The following ITSN1 variants were observed in gnomAD, a reference collection of about 807,000 sequenced individuals.
ITSN1 encodes intersectin 1.
In ITSN1, 58 loss-of-function variants were observed where a neutral mutation model predicts 239.8. That is an observed-to-expected ratio of 0.24 (90% CI 0.20 to 0.30). The LOEUF (loss-of-function observed/expected upper bound fraction) is 0.30. Ranked by LOEUF, ITSN1 falls within the 10% of genes least tolerant of loss-of-function variation. The probability of loss-of-function intolerance (pLI) is 1.00; values close to 1 mark genes in which losing one functional copy is unlikely to be tolerated. For missense variants in ITSN1, 1,558 were observed against 2,103.3 expected (o/e 0.74, Z 5.07); for synonymous variants, 780 against 770.8 (o/e 1.01, Z -0.20).
At chr21:33,758,863 C>T (rs2068094975) in intron 8 of ITSN1, among the ~76,000 whole-genome samples, 1 of 152,130 alleles carries the variant, frequency 6.6e-6, no homozygotes, top group Non-Finnish European at 1.5e-5. Context: ...GCCAGTACTC[C>T]AAAACCGATA....
intron 33 of ITSN1, among the ~76,000 whole-genome samples, chr21:33,868,036 G>T (rs931720419): frequency 2.0e-5 from 3 of 152,226 alleles, no homozygotes; most frequent in Admixed American, 6.5e-5. Context: ...AAGAGTGAAA[G>T]AACAAAGCTT....
rs1986456115 is a variant in ITSN1, at chr21:33,892,896, G to A, written c.*4596G>A. On this transcript the variant is annotated 3_prime_UTR_variant, in exon 40 of 40. Transcript: ENST00000381318. ...GTAAAGCAGCAGAAAGACTGAGGGT[G>A]CAAAGAAACCACAGCTGCCATTCAC... 1.3e-5 allele frequency: 2 copies of A among 152,220 alleles called. No individual in the cohort carries two copies. The highest frequency in any genetic ancestry group is 4.1e-4 in the South Asian group (2 of 4,830). 9.4% of individuals were successfully genotyped at this position (152,220 alleles called of 1,614,324 possible). A position where few individuals can be genotyped will look rare whatever the true frequency, so the allele number is the denominator to read the frequency against.
At position 33,763,257 on chromosome 21, in the gene ITSN1, C is replaced by T. The variant is rs906773599; in HGVS notation, c.788+1271C>T. 4.1e-5 allele frequency among the ~76,000 whole-genome samples: 6 copies of T among 145,242 alleles called. No homozygotes were observed. In the East Asian group the frequency reaches 6.4e-4, roughly 15 times the overall value. On this transcript the variant is annotated intron_variant, in intron 9 of 39. Transcript: ENST00000381318. ...AAAAAAAAAAAAAAAAAAAAAACTC[C>T]GTTAAAAACAAACCAGATCATTTGT...
At chr21:33,652,368 T>G (rs572831909) in intron 1 of ITSN1, among the ~76,000 whole-genome samples, 1 of 152,306 alleles carries the variant, frequency 6.6e-6, no homozygotes, top group Non-Finnish European at 1.5e-5. Flanking sequence ...AAAGCATACC[T>G]GAGGGCTGGA....
At chr21:33,817,126 A>G (rs1179951920) in intron 22 of ITSN1, 5 of 1,184,236 alleles carry the variant, frequency 4.2e-6, no homozygotes, top group African/African-American at 1.6e-5. Context: ...ATTCATATAT[A>G]TGATTGAAAG....
chr21:33,874,545 C>G (rs1165207092), intron 33 of ITSN1, among the ~76,000 whole-genome samples: 1 of 152,162 alleles, frequency 6.6e-6, no homozygotes, highest in Non-Finnish European at 1.5e-5. Context: ...AGTGAGTGAA[C>G]AGGTGGGAAA....
intron 1 of ITSN1, among the ~76,000 whole-genome samples, chr21:33,658,649 G>A (rs1427370910): frequency 1.3e-5 from 2 of 152,212 alleles, no homozygotes; most frequent in African/African-American, 4.8e-5. Flanking sequence ...GATCCATTGG[G>A]CGCTTAAAAC....
chr21:33,782,588 G>A (rs778428647), intron 16 of ITSN1, among the ~76,000 whole-genome samples: 6 of 152,024 alleles, frequency 3.9e-5, no homozygotes, highest in Non-Finnish European at 8.8e-5. Flanking sequence ...GTCTCTTGTG[G>A]CAGAAGTGGT....
chr21:33,884,493 G>C (rs1417557796), intron 36 of ITSN1, among the ~76,000 whole-genome samples: 3 of 152,142 alleles, frequency 2.0e-5, no homozygotes, highest in African/African-American at 4.8e-5. Context: ...TTGACACAAG[G>C]CCAGCATCAT....
chr21:33,788,890 A>G (rs2070881053), intron 16 of ITSN1, among the ~76,000 whole-genome samples: 1 of 152,166 alleles, frequency 6.6e-6, no homozygotes, highest in Non-Finnish European at 1.5e-5. Flanking sequence ...GTTCAAGGCT[A>G]TGATCGTGCC....
intron 4 of ITSN1, among the ~76,000 whole-genome samples, chr21:33,723,996 C>T (rs1213838807): frequency 6.6e-6 from 1 of 152,120 alleles, no homozygotes; most frequent in Non-Finnish European, 1.5e-5. Flanking sequence ...GCACAGTCTA[C>T]AGAACACAAT....
At chr21:33,735,425 A>G (rs2066437426) in intron 5 of ITSN1, 3 of 597,940 alleles carry the variant, frequency 5.0e-6, no homozygotes, top group Non-Finnish European at 9.1e-6. Context: ...GCAGAGATGC[A>G]GGCCGCCAGT....
chr21:33,800,159 T>C (rs148429423), intron 19 of ITSN1, among the ~76,000 whole-genome samples: 1 of 152,082 alleles, frequency 6.6e-6, no homozygotes, highest in East Asian at 1.9e-4. Flanking sequence ...ATAAAGACAG[T>C]GTGTTCTTAT....
At chr21:33,799,086 T>C (rs985807127) in intron 18 of ITSN1, among the ~76,000 whole-genome samples, 9 of 152,212 alleles carry the variant, frequency 5.9e-5, no homozygotes, top group African/African-American at 1.9e-4. Context: ...GTCAAAATAC[T>C]TGTAGCTCTT....
At chr21:33,809,772 T>C (rs999834583) in intron 20 of ITSN1, among the ~76,000 whole-genome samples, 31 of 152,178 alleles carry the variant, frequency 2.0e-4, no homozygotes, top group African/African-American at 7.5e-4. Flanking sequence ...GATAAGACCC[T>C]TATAAGAATT....
intron 29 of ITSN1, among the ~76,000 whole-genome samples, chr21:33,842,970 C>T (rs777790172): frequency 3.4e-4 from 52 of 152,246 alleles, no homozygotes; most frequent in Non-Finnish European, 6.3e-4. Context: ...CACTCATGCA[C>T]GCTGATCCAC....
chr21:33,764,109 A>G (rs2068555078), intron 9 of ITSN1, among the ~76,000 whole-genome samples: 1 of 152,344 alleles, frequency 6.6e-6, no homozygotes, highest in African/African-American at 2.4e-5. Flanking sequence ...AAGATCTAAC[A>G]TTAATGGAGG....
chr21:33,761,901 C>T, intron 8 of ITSN1, 22 bp from the exon 9 acceptor site: 1 of 1,598,828 alleles, frequency 6.3e-7, no homozygotes, highest in Non-Finnish European at 8.6e-7. Flanking sequence ...ATCTGTATGT[C>T]CTTTTCCTGG....
At chr21:33,727,152 G>A (rs2065878784) in intron 4 of ITSN1, among the ~76,000 whole-genome samples, 1 of 151,990 alleles carries the variant, frequency 6.6e-6, no homozygotes, top group African/African-American at 2.4e-5. Flanking sequence ...GGCCAAAGAT[G>A]GTACATCTTC....
Sources: allele counts gnomAD v4.1 joint callset (sites outside exome capture counted in the v4.1 genomes callset), GRCh38; gene constraint gnomAD v4.1.1; transcripts MANE v1.5; gene names NCBI Gene and HGNC (gene_info 2026-07-23, HGNC 2026-07-21).